The following SPEF2 variants were observed in gnomAD, a reference collection of about 807,000 sequenced individuals.
The protein encoded by SPEF2 is sperm flagellar and cilia associated 2, also known as sperm flagella and cilia-associated protein 2.
SPEF2 carries 187 observed loss-of-function variants against 224.6 expected under a neutral mutation model. The observed-to-expected ratio is 0.83, with a 90% CI of 0.74 to 0.94. SPEF2 has a LOEUF of 0.94. SPEF2 is among the 40% of genes least tolerant of loss of function. The probability of loss-of-function intolerance (pLI) is 0.00; values close to 1 mark genes in which losing one functional copy is unlikely to be tolerated. For missense variants in SPEF2, 2,170 were observed against 2,135.6 expected, an observed-to-expected ratio of 1.02 and a Z score of -0.32; for synonymous variants, 715 against 707.3, an observed-to-expected ratio of 1.01 and a Z score of -0.17.
At chr5:35,742,308 A>G (rs1319670983) in intron 23 of SPEF2, among the ~76,000 whole-genome samples, 1 of 152,120 alleles carries the variant, frequency 6.6e-6, no homozygotes, top group Non-Finnish European at 1.5e-5. Context: ...TGTTGACCAC[A>G]TCCTTAATTA....
chr5:35,676,780 A>G (rs564834478), intron 10 of SPEF2, among the ~76,000 whole-genome samples: 11 of 152,184 alleles, frequency 7.2e-5, no homozygotes, highest in Admixed American at 3.3e-4. Context: ...AAATATAGGA[A>G]GAACACAATG....
At chr5:35,713,656 A>G (rs1344707198) in intron 20 of SPEF2, among the ~76,000 whole-genome samples, 2 of 149,738 alleles carry the variant, frequency 1.3e-5, no homozygotes, top group Non-Finnish European at 3.0e-5. Context: ...GAATCCCTTG[A>G]ATCCGGGAGA....
chr5:35,636,282 A>T (rs1273034743), intron 2 of SPEF2, among the ~76,000 whole-genome samples: 1 of 152,156 alleles, frequency 6.6e-6, no homozygotes, highest in Non-Finnish European at 1.5e-5. Context: ...AAGAAACTCT[A>T]TGAGTGGATT....
In SPEF2 at chr5:35,664,875, T is replaced by C. The variant is rs921954133; in HGVS notation, c.1168-2197T>C. Reference sequence around the variant, plus strand: ...ACGAGGGAGGAGAACTTTGTGTTTTTCTTTCACTCTCAATTTTTTGAGCGT... The same window carrying C: ...ACGAGGGAGGAGAACTTTGTGTTTTCCTTTCACTCTCAATTTTTTGAGCGT... On this transcript the variant is annotated intron_variant, in intron 8 of 36. Transcript: ENST00000356031. Among the ~76,000 whole-genome samples the C allele has an allele frequency of 3.9e-5, 6 of 152,158 alleles. 1 individual carries two copies.
intron 10 of SPEF2, among the ~76,000 whole-genome samples, chr5:35,687,696 G>A (rs1375626321): frequency 6.6e-6 from 1 of 152,062 alleles, no homozygotes; most frequent in Non-Finnish European, 1.5e-5. Flanking sequence ...ACCTTTGAGC[G>A]ATAACTAGGG....
rs764541198 is a variant in SPEF2, at chr5:35,667,070, AG to A, written c.1168del. 1 of 1,594,340 alleles carries A rather than the reference AG, an allele frequency of 6.3e-7. No individual in the cohort carries two copies. Among genetic ancestry groups the A allele is most frequent in the South Asian group, 1.2e-5 (1 of 85,178 alleles). Reference sequence around the variant, plus strand: ...CTTAAAAATATGTTTTTGCCTTTTTAGGCTTTGGCAAAACAAGCCAAGATTG... The same window carrying A: ...CTTAAAAATATGTTTTTGCCTTTTTAGCTTTGGCAAAACAAGCCAAGATTG... On this transcript the variant is annotated splice_acceptor_variant, in intron 8 of 36. Transcript: ENST00000356031. LOFTEE classifies it high-confidence loss of function.
At chr5:35,684,300 G>A (rs1430128615) in intron 10 of SPEF2, among the ~76,000 whole-genome samples, 2 of 152,074 alleles carry the variant, frequency 1.3e-5, no homozygotes, top group African/African-American at 4.8e-5. Context: ...CCTTGACTCA[G>A]CCTTTATTTT....
intron 20 of SPEF2, among the ~76,000 whole-genome samples, chr5:35,717,689 C>A (rs1290578172): frequency 1.3e-5 from 2 of 152,088 alleles, no homozygotes; most frequent in Non-Finnish European, 2.9e-5. Flanking sequence ...GTTTGAATCC[C>A]AGTTTCCACA....
intron 1 of SPEF2, among the ~76,000 whole-genome samples, chr5:35,625,286 A>C (rs1025723546): frequency 9.2e-5 from 14 of 152,244 alleles, no homozygotes; most frequent in Non-Finnish European, 2.1e-4. Flanking sequence ...TTTTATCCAT[A>C]TCATAATTGC....
intron 23 of SPEF2, among the ~76,000 whole-genome samples, chr5:35,745,743 T>TA (rs1226247933): frequency 6.6e-6 from 1 of 152,142 alleles, no homozygotes; most frequent in Non-Finnish European, 1.5e-5. Context: ...CCCACCCTGG[T>TA]AGTGGAAGAC....
intron 7 of SPEF2, among the ~76,000 whole-genome samples, chr5:35,657,079 G>T (rs1749069010): frequency 6.6e-6 from 1 of 152,188 alleles, no homozygotes; most frequent in African/African-American, 2.4e-5. Flanking sequence ...GTCAGGGCTA[G>T]GAATTCTACT....
At chr5:35,622,878 T>A (rs1416844869) in intron 1 of SPEF2, among the ~76,000 whole-genome samples, 7 of 152,036 alleles carry the variant, frequency 4.6e-5, no homozygotes, top group African/African-American at 1.7e-4. Context: ...TTAAAGAGGG[T>A]TATAATATAG....
At chr5:35,697,507 C>T (rs540883430) in intron 14 of SPEF2, among the ~76,000 whole-genome samples, 183 bp from the exon 15 acceptor site, 35 of 152,238 alleles carry the variant, frequency 2.3e-4, no homozygotes, top group African/African-American at 8.2e-4. Context: ...GAGGGAGGCT[C>T]GAAGGAAGAG....
Position 35,628,544 on chromosome 5 carries a change from C to T in SPEF2, c.143C>T (p.Ser48Leu). Residue 48 changes from serine to leucine, a missense_variant, in exon 2 of 37, where the codon TCA (serine) becomes TTA (leucine). Coordinates refer to ENST00000356031, the MANE Select transcript of SPEF2 (RefSeq NM_024867.4). The stretch of plus-strand genomic sequence containing the variant: ...AAGTTTGAACTTCAGGATGATTTTT[C>T]AGAATTTTTGGACAGCAGGTTAGTG... ...LHKFELQDDF[S>L]EFLDSRVSSA... 1 of 1,612,808 alleles carries T rather than the reference C, an allele frequency of 6.2e-7. No homozygotes were observed. Among genetic ancestry groups the T allele is most frequent in the Non-Finnish European group, 8.5e-7 (1 of 1,179,044 alleles).
At chr5:35,789,362 A>G (rs748217723) in intron 30 of SPEF2, 14 of 703,306 alleles carry the variant, frequency 2.0e-5, no homozygotes, top group Non-Finnish European at 3.6e-5. Context: ...AATGCTCCAA[A>G]TGTATCAAAC....
At chr5:35,705,957 C>G (rs1739665217) in intron 18 of SPEF2, 149 bp downstream of exon 18, 1 of 445,142 alleles carries the variant, frequency 2.2e-6, no homozygotes, top group Non-Finnish European at 3.7e-6. Context: ...CTGGCTTTAG[C>G]TTTCTGTTGT....
chr5:35,630,044 T>G (rs1313882352), intron 2 of SPEF2, among the ~76,000 whole-genome samples: 1 of 152,204 alleles, frequency 6.6e-6, no homozygotes, highest in Admixed American at 6.5e-5. Context: ...CATTAAACTT[T>G]AAAGTTCCAA....
Position 35,667,061 on chromosome 5 carries a change from T to C in SPEF2, c.1168-11T>C. 1 of 1,587,300 alleles carries C rather than the reference T, an allele frequency of 6.3e-7. No individual in the cohort carries two copies. The highest frequency in any genetic ancestry group is 1.9e-4 in the Middle Eastern group (1 of 5,306). The stretch of plus-strand genomic sequence containing the variant: ...TTATAGTGACTTAAAAATATGTTTT[T>C]GCCTTTTTAGGCTTTGGCAAAACAA... On this transcript the variant is annotated splice_polypyrimidine_tract_variant and intron_variant, in intron 8 of 36. Transcript: ENST00000356031.
At chr5:35,647,546 T>A (rs1747561086) in intron 5 of SPEF2, among the ~76,000 whole-genome samples, 1 of 152,030 alleles carries the variant, frequency 6.6e-6, no homozygotes, top group African/African-American at 2.4e-5. Context: ...AGGTCATCAG[T>A]CTATTCATGC....
Sources: allele counts gnomAD v4.1 joint callset (sites outside exome capture counted in the v4.1 genomes callset), GRCh38; gene constraint gnomAD v4.1.1; transcripts MANE v1.5; gene names NCBI Gene and HGNC (gene_info 2026-07-23, HGNC 2026-07-21).